ARPIN: variants seen among roughly 807,000 people sequenced by gnomAD.
ARPIN encodes the protein actin related protein 2/3 complex inhibitor.
A neutral mutation model predicts 25.9 loss-of-function variants in ARPIN; 23 were observed. The ratio of observed to expected loss-of-function variants is 0.89; its 90% CI spans 0.64 to 1.26. The LOEUF is 1.26. ARPIN is among the 50% of genes most tolerant of loss of function. The probability of loss-of-function intolerance (pLI) is 0.00; values close to 1 mark genes in which losing one functional copy is unlikely to be tolerated. For synonymous variants in ARPIN, 126 were observed against 131.4 expected (o/e 0.96, Z 0.28); for missense variants, 333 against 312.2 (o/e 1.07, Z -0.50).
chr15:89,900,390 T>C lies in ARPIN; in HGVS notation c.*1405A>G, dbSNP rs1215748424. On this transcript the variant is annotated 3_prime_UTR_variant, in exon 6 of 6. Transcript: ENST00000357484. ...AACCTGTCTGAGACCCTTTTCCTGC[T>C]CTGTAATATGAATAGTCCGGTAGTT... The C allele has an allele frequency of 6.6e-6, 1 of 152,266 alleles. No homozygotes were observed. Among genetic ancestry groups the C allele is most frequent in the Non-Finnish European group, 1.5e-5 (1 of 68,078 alleles). 9.4% of individuals were successfully genotyped at this position (152,266 alleles called of 1,614,324 possible). A position where few individuals can be genotyped will look rare whatever the true frequency, so the allele number is the denominator to read the frequency against.
At chr15:89,910,226 G>A (rs1478597324) in intron 2 of ARPIN, among the ~76,000 whole-genome samples, 1 of 152,148 alleles carries the variant, frequency 6.6e-6, no homozygotes, top group Non-Finnish European at 1.5e-5. Flanking sequence ...AAGGAGATAA[G>A]GTGGTCAGCA....
chr15:89,896,091 A>C lies in ARPIN; in HGVS notation c.*5704T>G, dbSNP rs1029807127. ...TTTAGTAGAGATGGGGTTTCACCAC[A>C]TTGGCCAGTCTGGTCTCAAACTCCT... On this transcript the variant is annotated 3_prime_UTR_variant, in exon 6 of 6. Transcript: ENST00000357484. 6.6e-5 allele frequency: 10 copies of C among 152,306 alleles called. No individual in the cohort carries two copies. Among genetic ancestry groups the C allele is most frequent in the African/African-American group, 2.4e-4 (10 of 41,554 alleles). The allele number at this position is 152,306 out of a possible 1,614,324, so 9.4% of individuals were successfully genotyped here.
Position 89,900,537 on chromosome 15 carries a change from A to C in ARPIN, c.*1258T>G, listed in dbSNP as rs1897001209. ...GGGAATAATAATCAGTACCTCATGGACTGTTGTGAGAAGTACGATATCGCA... is the reference window on the plus strand; with the variant it reads ...GGGAATAATAATCAGTACCTCATGGCCTGTTGTGAGAAGTACGATATCGCA... On this transcript the variant is annotated 3_prime_UTR_variant, in exon 6 of 6. Transcript: ENST00000357484. The C allele has an allele frequency of 6.6e-6, 1 of 152,208 alleles. No individual in the cohort carries two copies. The highest frequency in any genetic ancestry group is 2.1e-4 in the South Asian group (1 of 4,832). 9.4% of individuals were successfully genotyped at this position (152,208 alleles called of 1,614,324 possible). A position where few individuals can be genotyped will look rare whatever the true frequency, so the allele number is the denominator to read the frequency against.
Position 89,899,548 on chromosome 15 carries a change from G to C in ARPIN, c.*2247C>G, listed in dbSNP as rs1250264771. ...GCACCACAGCACTGCCACTCACCCA[G>C]AATCTGGGCATCATTCTTGATCCCT... On this transcript the variant is annotated 3_prime_UTR_variant, in exon 6 of 6. Transcript: ENST00000357484. 1 of 152,290 alleles carries C rather than the reference G, an allele frequency of 6.6e-6. No homozygotes were observed. The highest frequency in any genetic ancestry group is 2.4e-5 in the African/African-American group (1 of 41,416). The allele number at this position is 152,290 out of a possible 1,614,324, so 9.4% of individuals were successfully genotyped here.
chr15:89,910,721 T>A (rs1054834504), intron 2 of ARPIN, 23 bp downstream of exon 2: 13 of 1,613,932 alleles, frequency 8.1e-6, no homozygotes, highest in Non-Finnish European at 1.1e-5. Flanking sequence ...GCCCTCTAGC[T>A]AGCACCGAGG....
At chr15:89,907,965 T>C (rs1897153162) in intron 3 of ARPIN, among the ~76,000 whole-genome samples, 1 of 152,186 alleles carries the variant, frequency 6.6e-6, no homozygotes, top group African/African-American at 2.4e-5. Context: ...AGAGACCGCC[T>C]AGGGCCTGGC....
chr15:89,912,248 C>T (rs1897237597), intron 1 of ARPIN: 1 of 989,506 alleles, frequency 1.0e-6, no homozygotes, highest in Non-Finnish European at 1.2e-6. Context: ...ATGGAATGGT[C>T]CCTTCGGCCT....
chr15:89,908,701 G>A (rs776990663), intron 2 of ARPIN, among the ~76,000 whole-genome samples: 2 of 152,024 alleles, frequency 1.3e-5, no homozygotes, highest in Non-Finnish European at 2.9e-5. Flanking sequence ...ACCATAACTT[G>A]GGCTGGGCAC....
rs1015228922 is a variant in ARPIN, at chr15:89,901,566, T to C, written c.*229A>G. The C allele has an allele frequency of 1.7e-6, 1 of 581,274 alleles. No individual in the cohort carries two copies. The highest frequency in any genetic ancestry group is 3.1e-6 in the Non-Finnish European group (1 of 326,390). The allele number at this position is 581,274 out of a possible 1,614,324, so 36.0% of individuals were successfully genotyped here. A position where few individuals can be genotyped will look rare whatever the true frequency, so the allele number is the denominator to read the frequency against. On this transcript the variant is annotated 3_prime_UTR_variant, in exon 6 of 6. Transcript: ENST00000357484. ...AATGTCTAGGAAGGCTAGACTCACA[T>C]GCAGGGAGGGGCCCTCCCTGAGCCA...
intron 3 of ARPIN, among the ~76,000 whole-genome samples, chr15:89,906,856 G>A (rs1016559188): frequency 2.0e-5 from 3 of 151,910 alleles, no homozygotes; most frequent in African/African-American, 7.3e-5. Flanking sequence ...ACAGGAGGCT[G>A]AGGCAGGAGA....
In ARPIN at chr15:89,912,543, G is replaced by C. The variant is rs1897243659; in HGVS notation, c.92+201C>G. Reference sequence around the variant, plus strand: ...GCGGACAGGCGGGGAGCTTTAAGCCGATCTGTGTCATGGGGTCGCTGGGCG... The same window carrying C: ...GCGGACAGGCGGGGAGCTTTAAGCCCATCTGTGTCATGGGGTCGCTGGGCG... On this transcript the variant is annotated intron_variant, in intron 1 of 5. Coordinates refer to ENST00000357484, the MANE Select transcript of ARPIN (RefSeq NM_182616.4). 3.8e-6 allele frequency: 5 copies of C among 1,329,918 alleles called. No individual in the cohort carries two copies. In the South Asian group the frequency reaches 9.7e-5, roughly 26 times the overall value. The allele number at this position is 1,329,918 out of a possible 1,614,324, so 82.4% of individuals were successfully genotyped here. A position where few individuals can be genotyped will look rare whatever the true frequency, so the allele number is the denominator to read the frequency against.
intron 5 of ARPIN, among the ~76,000 whole-genome samples, chr15:89,902,364 C>T (rs543846720): frequency 7.9e-4 from 120 of 151,936 alleles, no homozygotes; most frequent in Non-Finnish European, 1.2e-3. Flanking sequence ...CCTGAGATGG[C>T]GCCATTGCAC....
At position 89,900,358 on chromosome 15, in the gene ARPIN, G is replaced by C. The variant is rs914830073; in HGVS notation, c.*1437C>G. 2 of 152,250 alleles carry C rather than the reference G, an allele frequency of 1.3e-5. No individual in the cohort carries two copies. Among genetic ancestry groups the C allele is most frequent in the African/African-American group, 4.8e-5 (2 of 41,450 alleles). The allele number at this position is 152,250 out of a possible 1,614,324, so 9.4% of individuals were successfully genotyped here. The stretch of plus-strand genomic sequence containing the variant: ...TCATTAGCTGTGTGACTCTGGGCAG[G>C]TTGCTTAACCTGTCTGAGACCCTTT... On this transcript the variant is annotated 3_prime_UTR_variant, in exon 6 of 6. Transcript: ENST00000357484.
chr15:89,910,722 A>C, intron 2 of ARPIN, 22 bp downstream of exon 2: 1 of 1,613,944 alleles, frequency 6.2e-7, no homozygotes, highest in Non-Finnish European at 8.5e-7. Context: ...CCCTCTAGCT[A>C]GCACCGAGGA....
At position 89,896,234 on chromosome 15, in the gene ARPIN, A is replaced by C. The variant is rs1896929323; in HGVS notation, c.*5561T>G. ...TAAAAACCAAAAGTCAGTTGCACTGAAACTTGACAAAATGTTTAAAATGTT... is the reference window on the plus strand; with the variant it reads ...TAAAAACCAAAAGTCAGTTGCACTGCAACTTGACAAAATGTTTAAAATGTT... On this transcript the variant is annotated 3_prime_UTR_variant, in exon 6 of 6. Transcript: ENST00000357484. The C allele has an allele frequency of 6.6e-6, 1 of 152,224 alleles. No individual in the cohort carries two copies. Among genetic ancestry groups the C allele is most frequent in the Non-Finnish European group, 1.5e-5 (1 of 68,046 alleles). 9.4% of individuals were successfully genotyped at this position (152,224 alleles called of 1,614,324 possible).
At chr15:89,902,025 C>T (rs1897029977) in intron 5 of ARPIN, among the ~76,000 whole-genome samples, 1 of 152,218 alleles carries the variant, frequency 6.6e-6, no homozygotes, top group Non-Finnish European at 1.5e-5. Flanking sequence ...CAGACACTCT[C>T]ATCTGCGTGC....
Position 89,901,453 on chromosome 15 carries a change from T to G in ARPIN, c.*342A>C. Reference sequence around the variant, plus strand: ...CAACACCTTGGGAGGTGGAGGGGGGTGGATCGCTTGAGTCCAGGAGTTTGA... The same window carrying G: ...CAACACCTTGGGAGGTGGAGGGGGGGGGATCGCTTGAGTCCAGGAGTTTGA... On this transcript the variant is annotated 3_prime_UTR_variant, in exon 6 of 6. Transcript: ENST00000357484. 1 of 296,712 alleles carries G rather than the reference T, an allele frequency of 3.4e-6. No individual in the cohort carries two copies. 18.4% of individuals were successfully genotyped at this position (296,712 alleles called of 1,614,324 possible).
Position 89,901,633 on chromosome 15 carries a change from G to A in ARPIN, c.*162C>T, listed in dbSNP as rs932483314. The A allele has an allele frequency of 4.9e-5, 42 of 858,116 alleles. No homozygotes were observed. In the Admixed American group the frequency reaches 8.2e-4, roughly 17 times the overall value. The allele number at this position is 858,116 out of a possible 1,614,324, so 53.2% of individuals were successfully genotyped here. On this transcript the variant is annotated 3_prime_UTR_variant, in exon 6 of 6. Transcript: ENST00000357484. The stretch of plus-strand genomic sequence containing the variant: ...CACCAACACAGTGGTCATGGGTTTG[G>A]TTTTAGCAGAGCTTGTTCAAAGAGT...
chr15:89,906,685 A>G (rs1596235090), intron 3 of ARPIN, among the ~76,000 whole-genome samples: 1 of 152,168 alleles, frequency 6.6e-6, no homozygotes, highest in African/African-American at 2.4e-5. Context: ...GAGTAACTGA[A>G]GGTATGAATG....
Sources: allele counts gnomAD v4.1 joint callset (sites outside exome capture counted in the v4.1 genomes callset), GRCh38; gene constraint gnomAD v4.1.1; transcripts MANE v1.5; gene names NCBI Gene and HGNC (gene_info 2026-07-23, HGNC 2026-07-21).